Variants in JHY observed in about 807,000 individuals in gnomAD.
JHY encodes the protein junctional cadherin complex regulator, also known as jhy protein homolog.
JHY carries 69 observed loss-of-function variants against 78.0 expected under a neutral mutation model. That is an observed-to-expected ratio of 0.88 (90% CI 0.73 to 1.08). The LOEUF (loss-of-function observed/expected upper bound fraction) is 1.08, where lower values mean the gene tolerates loss of function less well. Among genes scored for constraint, JHY ranks in the 50% least tolerant of loss-of-function variants. The pLI is 0.00. For synonymous variants in JHY, 368 were observed against 342.6 expected (o/e 1.07, Z -0.82); for missense variants, 944 against 927.8 (o/e 1.02, Z -0.23).
rs1864297961 is a variant in JHY, at chr11:122,960,854, T to C, written c.*1409T>C. The C allele has an allele frequency of 6.0e-6, 4 of 663,324 alleles. No homozygotes were observed. Among genetic ancestry groups the C allele is most frequent in the Non-Finnish European group, 1.2e-5 (4 of 339,486 alleles). The allele number at this position is 663,324 out of a possible 1,614,324, so 41.1% of individuals were successfully genotyped here. On this transcript the variant is annotated 3_prime_UTR_variant, in exon 9 of 9. Coordinates refer to ENST00000227349, the MANE Select transcript of JHY (RefSeq NM_024806.4). ...TTTTTGATGTGCAGAGGAATAACAT[T>C]GCTATGGCTGTGGAGGTTACTTACT... is the stretch of plus-strand genomic sequence containing the variant.
chr11:122,920,967 TATG>T (rs1292269612), intron 3 of JHY, among the ~76,000 whole-genome samples: 1 of 152,112 alleles, frequency 6.6e-6, no homozygotes, highest in African/African-American at 2.4e-5. Flanking sequence ...TTACACAGCT[TATG>T]ATGCTCAAAA....
rs1295398342 is a variant in JHY at position 122,962,522 on chromosome 11, A to T, written c.*3077A>T. 6.6e-6 allele frequency among the ~76,000 whole-genome samples: 1 copy of T among 152,182 alleles called. No individual in the cohort carries two copies. Among genetic ancestry groups the T allele is most frequent in the Non-Finnish European group, 1.5e-5 (1 of 68,016 alleles). Reference sequence around the variant, plus strand: ...TTAGACAGGAAAATCACAGGCCAAAACTACTCCTAAAATGTATTTATAAGA... The same window carrying T: ...TTAGACAGGAAAATCACAGGCCAAATCTACTCCTAAAATGTATTTATAAGA... On this transcript the variant is annotated 3_prime_UTR_variant, in exon 9 of 9. Coordinates refer to ENST00000227349, the MANE Select transcript of JHY (RefSeq NM_024806.4).
In JHY at chr11:122,934,913, T is replaced by A; in HGVS notation, c.1472T>A (p.Met491Lys). Residue 491 changes from methionine (M) to lysine (K), a missense_variant, in exon 5 of 9, where the codon ATG (methionine) becomes AAG (lysine). Coordinates refer to ENST00000227349, the MANE Select transcript of JHY (RefSeq NM_024806.4). ...CAGCAGCTACACACCCTTTCTGACA[T>A]GGATTTGAACAACCTTAATGAACTT... ...SYQQLHTLSDMDLNNLNELSK... is the reference protein window; with the variant it reads ...SYQQLHTLSDKDLNNLNELSK... 1.2e-6 allele frequency: 2 copies of A among 1,614,166 alleles called. No homozygotes were observed. The highest frequency in any genetic ancestry group is 1.7e-6 in the Non-Finnish European group (2 of 1,180,032).
intron 5 of JHY, among the ~76,000 whole-genome samples, chr11:122,940,844 C>A (rs76886860): frequency 2.8e-5 from 4 of 141,398 alleles, no homozygotes; most frequent in Non-Finnish European, 6.2e-5. Context: ...TCCTTCCTTC[C>A]TTCTTTATCT....
intron 4 of JHY, among the ~76,000 whole-genome samples, chr11:122,928,553 G>A (rs1350881411): frequency 1.2e-4 from 17 of 136,308 alleles, no homozygotes; most frequent in South Asian, 2.4e-4. Flanking sequence ...AAGATACGGG[G>A]AAAAAAAAAA....
rs1453827291 is a variant in JHY, at chr11:122,934,308, C to T, written c.979-112C>T. ...TCCAGCCTGGGAGACAGTGAGACTC[C>T]GTCTCAAATAAATAAATAAATAAAT... On this transcript the variant is annotated intron_variant, in intron 4 of 8. Coordinates refer to ENST00000227349, the MANE Select transcript of JHY (RefSeq NM_024806.4). 11 of 530,242 alleles carry T rather than the reference C, an allele frequency of 2.1e-5. 1 individual carries two copies. Among genetic ancestry groups the T allele is most frequent in the Admixed American group, 5.5e-5 (1 of 18,042 alleles). 32.8% of individuals were successfully genotyped at this position (530,242 alleles called of 1,614,324 possible).
Position 122,904,334 on chromosome 11 carries a change from AAAC to A in JHY, c.759_761del (p.Gln253del), listed in dbSNP as rs752611644. ...ACGTGGCCCTCGGCGAAGGAAATCC[AAAC>A]AACATTTTGTGGAAAAAAACAAGCT... On this transcript the variant is annotated inframe_deletion, in exon 3 of 9. Transcript: ENST00000227349. 2.0e-5 allele frequency: 33 copies of A among 1,614,184 alleles called. No individual in the cohort carries two copies. Among genetic ancestry groups the A allele is most frequent in the Middle Eastern group, 3.3e-4 (2 of 6,062 alleles).
At chr11:122,910,487 A>G (rs569886762) in intron 3 of JHY, among the ~76,000 whole-genome samples, 11 of 152,084 alleles carry the variant, frequency 7.2e-5, no homozygotes, top group African/African-American at 2.6e-4. Context: ...AAAAAACCAA[A>G]AAACAGTGGA....
chr11:122,912,615 G>A (rs145755851), intron 3 of JHY, among the ~76,000 whole-genome samples: 1 of 152,084 alleles, frequency 6.6e-6, no homozygotes, highest in Non-Finnish European at 1.5e-5. Context: ...GATGGGGCAC[G>A]CCTGTAGTCC....
In JHY at chr11:122,935,138, C is replaced by T. The variant is rs956758427; in HGVS notation, c.1634+63C>T. On this transcript the variant is annotated intron_variant, in intron 5 of 8. Transcript: ENST00000227349. The surrounding 1 kb of genome is among the most constrained non-coding windows in gnomAD (Gnocchi z 4.5). ...GAAAGGAGAGACTGCTGCAGAAAGA[C>T]GGGAGAGGAAGAAGGGGAAGGGGAA... 85 of 1,409,158 alleles carry T rather than the reference C, an allele frequency of 6.0e-5. No individual in the cohort carries two copies. In the Admixed American group the frequency reaches 1.1e-3, roughly 18 times the overall value. The allele number at this position is 1,409,158 out of a possible 1,614,324, so 87.3% of individuals were successfully genotyped here.
chr11:122,951,852 C>G (rs1450542453), intron 6 of JHY, among the ~76,000 whole-genome samples: 1 of 152,128 alleles, frequency 6.6e-6, no homozygotes. Flanking sequence ...GTGCCAGAGT[C>G]GGTAGATGCC....
chr11:122,903,575 C>T (rs1361995583), intron 2 of JHY, among the ~76,000 whole-genome samples: 4 of 152,110 alleles, frequency 2.6e-5, no homozygotes, highest in Admixed American at 2.0e-4. Flanking sequence ...AACTCCTTAG[C>T]TCAAGCAATC....
At position 122,960,095 on chromosome 11, in the gene JHY, G is replaced by A. The variant is rs538817699; in HGVS notation, c.*650G>A. ...CTAAAAATACAAAAATTAGCTAGGC[G>A]TGGTGGCGCATGTCTATAGTTCCAG... On this transcript the variant is annotated 3_prime_UTR_variant, in exon 9 of 9. Coordinates refer to ENST00000227349, the MANE Select transcript of JHY (RefSeq NM_024806.4). Among the ~76,000 whole-genome samples the A allele has an allele frequency of 2.6e-4, 39 of 152,162 alleles. No individual in the cohort carries two copies. The South Asian group carries it at 7.3e-3, about 28-fold the overall frequency.
At chr11:122,953,408 G>A (rs1373351650) in intron 6 of JHY, among the ~76,000 whole-genome samples, 1 of 152,002 alleles carries the variant, frequency 6.6e-6, no homozygotes, top group Non-Finnish European at 1.5e-5. Flanking sequence ...TTCGAGACCA[G>A]CCTGGCCAAC....
intron 8 of JHY, among the ~76,000 whole-genome samples, chr11:122,957,909 T>C (rs576673671): frequency 6.6e-6 from 1 of 152,288 alleles, no homozygotes; most frequent in South Asian, 2.1e-4. Flanking sequence ...ATTTTAAATG[T>C]GTCACACATA....
In JHY at chr11:122,899,328, A is replaced by C. The variant is rs540218350; in HGVS notation, c.345-4597A>C. ...ATGGGAAAATAGCACCTTTCTTTAC[A>C]AAAAAAAATCTGTATTTACTTGAAG... On this transcript the variant is annotated intron_variant, in intron 2 of 8. Coordinates refer to ENST00000227349, the MANE Select transcript of JHY (RefSeq NM_024806.4). 5.3e-5 allele frequency among the ~76,000 whole-genome samples: 8 copies of C among 151,792 alleles called. No individual in the cohort carries two copies. The South Asian group carries it at 1.7e-3, about 32-fold the overall frequency.
chr11:122,892,347 G>A (rs1862637301), intron 2 of JHY, among the ~76,000 whole-genome samples: 2 of 150,486 alleles, frequency 1.3e-5, no homozygotes, highest in South Asian at 4.2e-4. Context: ...TTTTGAGATG[G>A]AGTCTTGCAT....
Position 122,935,213 on chromosome 11 carries a change from G to A in JHY, c.1634+138G>A. 1.4e-6 allele frequency: 1 copy of A among 696,464 alleles called. No individual in the cohort carries two copies. The allele number at this position is 696,464 out of a possible 1,614,324, so 43.1% of individuals were successfully genotyped here. On this transcript the variant is annotated intron_variant, in intron 5 of 8. Coordinates refer to ENST00000227349, the MANE Select transcript of JHY (RefSeq NM_024806.4). The surrounding 1 kb of genome is among the most constrained non-coding windows in gnomAD (Gnocchi z 4.5). ...AAGAGTTCACCTAACAACTTCCTTA[G>A]CTCTGATTCCTGCCTCAAAGAGTCC...
At chr11:122,954,379 G>A (rs1465244041) in intron 6 of JHY, among the ~76,000 whole-genome samples, 1 of 152,180 alleles carries the variant, frequency 6.6e-6, no homozygotes, top group East Asian at 1.9e-4. Flanking sequence ...CATCTACAGT[G>A]GGAAGTGGCA....
Sources: gnomAD v4.1 joint callset for allele counts (sites outside exome capture counted in the v4.1 genomes callset) on GRCh38, gnomAD v4.1.1 for gene constraint, Gnocchi (gnomAD v3.1) non-coding constraint, MANE v1.5 for transcripts, NCBI Gene and HGNC (gene_info 2026-07-23, HGNC 2026-07-21) for gene names.